Variants in STK3 observed in about 807,000 individuals in gnomAD.
STK3 encodes serine/threonine kinase 3.
Under a neutral mutation model 58.0 loss-of-function variants are expected in STK3, and 41 were observed. The observed-to-expected ratio is 0.71, with a 90% confidence interval of 0.55 to 0.92. STK3 has a LOEUF of 0.92. STK3 is among the 40% of genes least tolerant of loss of function. The pLI, the probability that STK3 is intolerant of heterozygous loss-of-function variation, is 0.00. For missense variants in STK3, 479 were observed against 602.7 expected, an observed-to-expected ratio of 0.79 and a Z score of 2.15; for synonymous variants, 170 against 191.0, an observed-to-expected ratio of 0.89 and a Z score of 0.91.
At chr8:98,413,551 G>T in intron 3 of STK3, 1 of 655,518 alleles carries the variant, frequency 1.5e-6, no homozygotes, top group Non-Finnish European at 3.0e-6. Flanking sequence ...ACATCATCTA[G>T]GTCAGAGACA....
intron 10 of STK3, among the ~76,000 whole-genome samples, chr8:98,516,687 G>A (rs1262201560): frequency 2.6e-5 from 4 of 151,972 alleles, no homozygotes; most frequent in Non-Finnish European, 5.9e-5. Flanking sequence ...CAGGAATTCT[G>A]TACTATCACT....
the STK3 span, among the ~76,000 whole-genome samples, chr8:98,353,989 G>A: frequency 6.6e-6 from 1 of 152,176 alleles, no homozygotes; most frequent in African/African-American, 2.4e-5. Context: ...GAGCTGTGGA[G>A]CAATAGCTTG....
At chr8:98,487,082 A>G (rs1297850500) in intron 10 of STK3, among the ~76,000 whole-genome samples, 1 of 152,204 alleles carries the variant, frequency 6.6e-6, no homozygotes, top group Non-Finnish European at 1.5e-5. Flanking sequence ...TTCAACAAAT[A>G]TTTATTGAAT....
In STK3 at chr8:98,660,603, C is replaced by T. The variant is rs181325474; in HGVS notation, c.684+45864G>A. 2.8e-3 allele frequency among the ~76,000 whole-genome samples: 419 copies of T among 152,138 alleles called. 1 individual carries two copies. The highest frequency in any genetic ancestry group is 4.5e-3 in the Non-Finnish European group (309 of 67,946). ...CCCATGAATGTGATATAGCAGCTCT[C>T]TCCATATCAATTCTGACAAACACTA... On this transcript the variant is annotated intron_variant, in intron 6 of 10. Transcript: ENST00000419617.
rs1306183301 is a variant in STK3, at chr8:98,739,572, A to G, written c.351+9704T>C. 4.8e-3 allele frequency among the ~76,000 whole-genome samples: 700 copies of G among 147,014 alleles called. 4 individuals carry two copies. Among genetic ancestry groups the G allele is most frequent in the African/African-American group, 0.017 (656 of 39,244 alleles). On this transcript the variant is annotated intron_variant, in intron 4 of 10. Coordinates refer to ENST00000419617, the MANE Select transcript of STK3 (RefSeq NM_006281.4). Reference sequence around the variant, plus strand: ...AGGAAAACTAACAAACAGAAAGGACATCCACACCAAAAACCCATCTGTACA... The same window carrying G: ...AGGAAAACTAACAAACAGAAAGGACGTCCACACCAAAAACCCATCTGTACA...
intron 6 of STK3, chr8:98,601,716 G>A (rs575646086): frequency 6.6e-6 from 1 of 152,318 alleles, no homozygotes; most frequent in Admixed American, 6.5e-5. Flanking sequence ...TTTCAGCTGA[G>A]TCATAAAGAA....
chr8:98,542,025 T>A (rs922120094), intron 9 of STK3, among the ~76,000 whole-genome samples: 1 of 152,152 alleles, frequency 6.6e-6, no homozygotes, highest in Non-Finnish European at 1.5e-5. Flanking sequence ...TGCTAGGAAA[T>A]CTTGAACAGC....
In STK3 at chr8:98,486,249, T is replaced by C. The variant is rs539632930; in HGVS notation, c.1318-30249A>G. Among the ~76,000 whole-genome samples the C allele has an allele frequency of 1.6e-4, 25 of 152,360 alleles. No individual in the cohort carries two copies. The South Asian group carries it at 5.2e-3, about 32-fold the overall frequency. On this transcript the variant is annotated intron_variant, in intron 10 of 10. Transcript: ENST00000419617. Reference sequence around the variant, plus strand: ...TGTGAGAAAAATACAGAAAGTTGTCTAGATAATTCATGTCAACACACTTAT... The same window carrying C: ...TGTGAGAAAAATACAGAAAGTTGTCCAGATAATTCATGTCAACACACTTAT...
chr8:98,900,292 G>A (rs1300294057), intron 1 of STK3, among the ~76,000 whole-genome samples: 1 of 152,164 alleles, frequency 6.6e-6, no homozygotes, highest in African/African-American at 2.4e-5. Flanking sequence ...GGCCAGCCAG[G>A]CTGGTCTCAA....
chr8:98,914,490 A>ACTCT (rs777404597), intron 1 of STK3, among the ~76,000 whole-genome samples: 73 of 123,112 alleles, frequency 5.9e-4, no homozygotes, highest in Non-Finnish European at 4.7e-4. Flanking sequence ...ACACACACAC[A>ACTCT]CACTCTCTCT....
At chr8:98,471,960 G>A (rs970319633) in intron 10 of STK3, among the ~76,000 whole-genome samples, 13 of 152,164 alleles carry the variant, frequency 8.5e-5, no homozygotes, top group African/African-American at 3.1e-4. Context: ...TTTACAAGAA[G>A]TATTCTTATA....
chr8:98,599,029 G>A (rs962704989), intron 6 of STK3: 8 of 401,454 alleles, frequency 2.0e-5, no homozygotes, highest in Non-Finnish European at 2.7e-5. Context: ...TAATCTCAGT[G>A]GAATGAGTCA....
chr8:98,653,871 CAGA>C (rs1322965847), intron 6 of STK3, among the ~76,000 whole-genome samples: 1 of 152,098 alleles, frequency 6.6e-6, no homozygotes, highest in Non-Finnish European at 1.5e-5. Flanking sequence ...ACTCCAGGAC[CAGA>C]AGGATTCACA....
chr8:98,679,619 A>T (rs753109558), intron 6 of STK3, among the ~76,000 whole-genome samples: 32 of 152,222 alleles, frequency 2.1e-4, no homozygotes, highest in Non-Finnish European at 3.8e-4. Flanking sequence ...CTGCTGCTGC[A>T]TCCCTAGTAC....
At chr8:98,769,912 T>A (rs945319517) in intron 2 of STK3, among the ~76,000 whole-genome samples, 5 of 152,162 alleles carry the variant, frequency 3.3e-5, no homozygotes, top group African/African-American at 1.2e-4. Flanking sequence ...AGAAACAGGG[T>A]TGAGATTTCT....
At chr8:98,912,012 T>C (rs1839155714) in intron 1 of STK3, among the ~76,000 whole-genome samples, 1 of 152,212 alleles carries the variant, frequency 6.6e-6, no homozygotes, top group Admixed American at 6.5e-5. Flanking sequence ...TTTACAGAAC[T>C]AAGCCCTTTT....
chr8:98,889,812 C>T (rs898865808), intron 1 of STK3: 3 of 152,050 alleles, frequency 2.0e-5, no homozygotes, highest in African/African-American at 4.8e-5. Context: ...GGAGGGGGTC[C>T]GAAGAATATG....
chr8:98,450,989 C>A (rs1391337245), downstream of STK3, among the ~76,000 whole-genome samples: 3 of 152,162 alleles, frequency 2.0e-5, no homozygotes, highest in Non-Finnish European at 4.4e-5. Context: ...AGCTGTGTGA[C>A]CTCATTTAAT....
chr8:98,806,383 A>G (rs926388864), intron 1 of STK3, among the ~76,000 whole-genome samples: 5 of 152,206 alleles, frequency 3.3e-5, no homozygotes, highest in Non-Finnish European at 7.3e-5. Flanking sequence ...CCACAGCAAT[A>G]AAAAATACAC....
Sources: gnomAD v4.1 joint callset for allele counts (sites outside exome capture counted in the v4.1 genomes callset) on GRCh38, gnomAD v4.1.1 for gene constraint, MANE v1.5 for transcripts, NCBI Gene and HGNC (gene_info 2026-07-23, HGNC 2026-07-21) for gene names.